The following GRID1 variants were observed in gnomAD, a reference collection of about 807,000 sequenced individuals.
GRID1 encodes glutamate ionotropic receptor delta type subunit 1.
In GRID1, 28 loss-of-function variants were observed where a neutral mutation model predicts 98.0. The ratio of observed to expected loss-of-function variants is 0.29; its 90% confidence interval spans 0.21 to 0.39. The LOEUF (loss-of-function observed/expected upper bound fraction) is 0.39. Ranked by LOEUF, GRID1 falls within the 10% of genes least tolerant of loss-of-function variation. The pLI, the probability that GRID1 is intolerant of heterozygous loss-of-function variation, is 1.00. For synonymous variants in GRID1, 553 were observed against 538.5 expected, an observed-to-expected ratio of 1.03 and a Z score of -0.37; for missense variants, 1,111 against 1,340.5, an observed-to-expected ratio of 0.83 and a Z score of 2.67.
At chr10:85,853,242 C>T (rs1234201334) in intron 8 of GRID1, among the ~76,000 whole-genome samples, 1 of 152,198 alleles carries the variant, frequency 6.6e-6, no homozygotes, top group Admixed American at 6.5e-5. Context: ...AGAATTCCCC[C>T]ACCCAGATTC....
intron 4 of GRID1, among the ~76,000 whole-genome samples, chr10:86,126,975 C>A (rs369309602): frequency 3.5e-4 from 53 of 152,372 alleles, no homozygotes; most frequent in African/African-American, 1.2e-3. Context: ...CAAAGGGTGG[C>A]TTTAGCCATT....
intron 8 of GRID1, among the ~76,000 whole-genome samples, chr10:85,781,756 A>C (rs1311169272): frequency 2.6e-5 from 4 of 152,062 alleles, no homozygotes; most frequent in Admixed American, 6.5e-5. Context: ...TGAAGTAAGT[A>C]TCATGGCCTT....
At chr10:86,074,135 T>C (rs879294733) in intron 4 of GRID1, among the ~76,000 whole-genome samples, 2 of 151,766 alleles carry the variant, frequency 1.3e-5, no homozygotes, top group Non-Finnish European at 1.5e-5. Context: ...ATGTATGGGG[T>C]GGGTGAGAAA....
At chr10:86,079,142 G>A (rs928129830) in intron 4 of GRID1, among the ~76,000 whole-genome samples, 2 of 152,244 alleles carry the variant, frequency 1.3e-5, no homozygotes, top group African/African-American at 4.8e-5. Flanking sequence ...AGAGGTGAGT[G>A]TGGGGACATG....
chr10:85,917,479 T>C (rs1017398523), intron 4 of GRID1, among the ~76,000 whole-genome samples: 2 of 152,202 alleles, frequency 1.3e-5, no homozygotes, highest in African/African-American at 2.4e-5. Flanking sequence ...TAGCTACAAA[T>C]AGATATCAGA....
intron 8 of GRID1, among the ~76,000 whole-genome samples, chr10:85,760,366 G>T (rs1398467212): frequency 6.6e-6 from 1 of 152,168 alleles, no homozygotes; most frequent in Non-Finnish European, 1.5e-5. Context: ...ACTGTAAGTG[G>T]AAATAGTGCT....
chr10:85,698,030 G>A (rs1015946754), intron 12 of GRID1, among the ~76,000 whole-genome samples: 2 of 152,102 alleles, frequency 1.3e-5, no homozygotes, highest in Non-Finnish European at 2.9e-5. Flanking sequence ...ATGGTGTACG[G>A]TGAGTATGTG....
intron 2 of GRID1, among the ~76,000 whole-genome samples, chr10:86,349,081 G>C (rs1021791982): frequency 6.6e-6 from 1 of 152,222 alleles, no homozygotes; most frequent in Non-Finnish European, 1.5e-5. Context: ...GGGAGGCACT[G>C]GTGGGAGCTG....
chr10:85,740,619 T>C (rs527988798), intron 8 of GRID1, among the ~76,000 whole-genome samples: 2 of 152,282 alleles, frequency 1.3e-5, no homozygotes, highest in South Asian at 4.1e-4. Flanking sequence ...TTTTTCCTTG[T>C]ACCTCCAGGA....
chr10:85,823,308 AAT>A lies in GRID1; in HGVS notation c.1233+31186_1233+31187del, dbSNP rs373368031. On this transcript the variant is annotated intron_variant, in intron 8 of 15. Coordinates refer to ENST00000327946, the MANE Select transcript of GRID1 (RefSeq NM_017551.3). Reference sequence around the variant, plus strand: ...GAAATGGGTGCATTGTGATTTGTAAAATATGACTCAATCAAGTTATTGAAAAA... The same window carrying A: ...GAAATGGGTGCATTGTGATTTGTAAAATGACTCAATCAAGTTATTGAAAAA... Among the ~76,000 whole-genome samples the A allele has an allele frequency of 2.5e-3, 375 of 152,356 alleles. 1 individual carries two copies. Among genetic ancestry groups the A allele is most frequent in the African/African-American group, 8.5e-3 (355 of 41,578 alleles).
intron 8 of GRID1, among the ~76,000 whole-genome samples, chr10:85,853,244 C>A (rs1357590853): frequency 1.3e-5 from 2 of 152,176 alleles, no homozygotes; most frequent in Admixed American, 1.3e-4. Flanking sequence ...AATTCCCCCA[C>A]CCAGATTCTC....
chr10:85,657,300 C>T (rs1010570968), intron 12 of GRID1, among the ~76,000 whole-genome samples: 3 of 152,100 alleles, frequency 2.0e-5, no homozygotes, highest in African/African-American at 7.2e-5. Context: ...TAGGACTTGG[C>T]TGTTTGTTTT....
chr10:85,894,826 G>A (rs963384297), intron 5 of GRID1, among the ~76,000 whole-genome samples: 3 of 151,506 alleles, frequency 2.0e-5, no homozygotes, highest in Admixed American at 1.3e-4. Context: ...TTGCCAGCAT[G>A]GTGAAACCCC....
chr10:85,757,813 A>G (rs560558059), intron 8 of GRID1, among the ~76,000 whole-genome samples: 4 of 152,334 alleles, frequency 2.6e-5, no homozygotes, highest in East Asian at 3.9e-4. Flanking sequence ...CCTACCTGCT[A>G]TAAGATTCAA....
intron 4 of GRID1, among the ~76,000 whole-genome samples, chr10:85,928,877 G>C (rs1275782804): frequency 5.3e-5 from 8 of 152,156 alleles, no homozygotes; most frequent in Admixed American, 1.3e-4. Flanking sequence ...CTTAGATCGT[G>C]AGCAAAGGTA....
At chr10:86,041,009 T>TC (rs1424365709) in intron 4 of GRID1, among the ~76,000 whole-genome samples, 2 of 152,138 alleles carry the variant, frequency 1.3e-5, no homozygotes, top group Admixed American at 6.5e-5. Flanking sequence ...GGGCTCTGCC[T>TC]CCTTCTGCCT....
chr10:86,275,407 A>T (rs146024067), intron 2 of GRID1, among the ~76,000 whole-genome samples: 223 of 152,232 alleles, frequency 1.5e-3, no homozygotes, highest in African/African-American at 4.8e-3. Context: ...GAACAAAGTA[A>T]ATTTACACAA....
chr10:85,674,570 C>T (rs1841123110), intron 12 of GRID1, among the ~76,000 whole-genome samples: 1 of 152,160 alleles, frequency 6.6e-6, no homozygotes, highest in Non-Finnish European at 1.5e-5. Flanking sequence ...AATTAACTAT[C>T]CTCATTTGAA....
At chr10:86,217,576 C>T (rs888662365) in intron 2 of GRID1, among the ~76,000 whole-genome samples, 3 of 152,102 alleles carry the variant, frequency 2.0e-5, no homozygotes, top group African/African-American at 7.2e-5. Flanking sequence ...AAGCTCTTGG[C>T]CAGACACCAA....
Sources: allele counts gnomAD v4.1 joint callset (sites outside exome capture counted in the v4.1 genomes callset), GRCh38; gene constraint gnomAD v4.1.1; transcripts MANE v1.5; gene names NCBI Gene and HGNC (gene_info 2026-07-23, HGNC 2026-07-21).